Variants in DCDC1 observed in about 807,000 individuals in gnomAD.
DCDC1 encodes doublecortin domain containing 1, also known as doublecortin domain-containing protein 1.
In DCDC1, 200 loss-of-function variants were observed where a neutral mutation model predicts 178.3. The observed-to-expected ratio is 1.12, with a 90% CI of 1.00 to 1.26. DCDC1 has a LOEUF of 1.26. Among genes scored for constraint, DCDC1 ranks in the 50% most tolerant of loss-of-function variants. The pLI, the probability that DCDC1 is intolerant of heterozygous loss-of-function variation, is 0.00. For synonymous variants in DCDC1, 690 were observed against 604.8 expected, an observed-to-expected ratio of 1.14 and a Z score of -2.07; for missense variants, 1,983 against 1,749.2, an observed-to-expected ratio of 1.13 and a Z score of -2.38.
chr11:30,923,970 A>G (rs1338156637), intron 23 of DCDC1, among the ~76,000 whole-genome samples: 1 of 152,046 alleles, frequency 6.6e-6, no homozygotes, highest in Non-Finnish European at 1.5e-5. Flanking sequence ...GACATATTTA[A>G]TCATGTAACT....
chr11:31,269,421 C>A (rs1008427994), intron 7 of DCDC1, among the ~76,000 whole-genome samples: 1 of 151,198 alleles, frequency 6.6e-6, no homozygotes, highest in East Asian at 1.9e-4. Context: ...CTTGCTCTGT[C>A]ACCCAGGCTG....
intron 11 of DCDC1, among the ~76,000 whole-genome samples, chr11:31,113,359 A>C (rs1959268073): frequency 6.6e-6 from 1 of 152,252 alleles, no homozygotes; most frequent in Admixed American, 6.5e-5. Context: ...TTACATATGT[A>C]TACATGTGCC....
chr11:31,278,305 G>A (rs1056631164), intron 7 of DCDC1, among the ~76,000 whole-genome samples: 1 of 152,054 alleles, frequency 6.6e-6, no homozygotes, highest in Non-Finnish European at 1.5e-5. Flanking sequence ...TTGAAAACAG[G>A]TAGTGTAAAT....
chr11:31,074,477 G>A (rs1417845959), intron 18 of DCDC1, among the ~76,000 whole-genome samples: 1 of 152,120 alleles, frequency 6.6e-6, no homozygotes. Flanking sequence ...AAGGCTCAAG[G>A]GAGTTTGTTC....
At chr11:31,297,163 G>A (rs1947747848) in intron 6 of DCDC1, among the ~76,000 whole-genome samples, 3 of 152,060 alleles carry the variant, frequency 2.0e-5, no homozygotes, top group Admixed American at 1.3e-4. Context: ...AACTGAAGAC[G>A]GTCAGCAAAG....
At chr11:31,114,575 A>G (rs993706873) in intron 11 of DCDC1, among the ~76,000 whole-genome samples, 7 of 152,192 alleles carry the variant, frequency 4.6e-5, no homozygotes, top group Admixed American at 2.0e-4. Context: ...TTAGCCCAAC[A>G]GACAACAGGG....
At chr11:31,063,367 T>C (rs1322959606) in intron 20 of DCDC1, among the ~76,000 whole-genome samples, 2 of 152,220 alleles carry the variant, frequency 1.3e-5, no homozygotes, top group East Asian at 1.9e-4. Context: ...ACCCAAAGGA[T>C]TATAAATCAC....
intron 17 of DCDC1, among the ~76,000 whole-genome samples, chr11:31,085,850 G>A (rs1957439930): frequency 6.6e-6 from 1 of 151,994 alleles, no homozygotes; most frequent in Non-Finnish European, 1.5e-5. Context: ...TGAGACTACA[G>A]GGGCACACAA....
At chr11:31,151,239 T>TG (rs764968552) in intron 9 of DCDC1, among the ~76,000 whole-genome samples, 3 of 152,248 alleles carry the variant, frequency 2.0e-5, no homozygotes, top group Non-Finnish European at 4.4e-5. Context: ...AATTTTGTCT[T>TG]GGATACACCA....
chr11:31,215,436 A>C (rs1459132873), intron 9 of DCDC1, among the ~76,000 whole-genome samples: 1 of 152,168 alleles, frequency 6.6e-6, no homozygotes, highest in African/African-American at 2.4e-5. Flanking sequence ...ATCTCCAGTT[A>C]ACCAAAATTG....
chr11:31,253,104 G>A (rs1237846773), intron 8 of DCDC1, among the ~76,000 whole-genome samples: 2 of 152,252 alleles, frequency 1.3e-5, no homozygotes, highest in Middle Eastern at 6.8e-3. Context: ...ACTCAGAGTG[G>A]TCAGTGAATC....
chr11:31,207,459 G>A (rs1327981849), intron 9 of DCDC1, among the ~76,000 whole-genome samples: 1 of 152,014 alleles, frequency 6.6e-6, no homozygotes, highest in East Asian at 1.9e-4. Flanking sequence ...TCTGTTCCTA[G>A]CTAAAACAGG....
At chr11:31,031,108 G>A (rs930669479) in intron 20 of DCDC1, among the ~76,000 whole-genome samples, 33 of 152,090 alleles carry the variant, frequency 2.2e-4, no homozygotes, top group African/African-American at 8.0e-4. Flanking sequence ...TACAAATATT[G>A]GAGACATGTG....
chr11:31,294,750 A>C (rs1565566479), intron 6 of DCDC1, among the ~76,000 whole-genome samples: 1 of 147,654 alleles, frequency 6.8e-6, no homozygotes, highest in Non-Finnish European at 1.5e-5. Flanking sequence ...GAGGGAGGAA[A>C]AGAAAGAAAT....
chr11:31,304,038 G>A (rs559222784), intron 6 of DCDC1, among the ~76,000 whole-genome samples: 3 of 152,248 alleles, frequency 2.0e-5, no homozygotes, highest in Middle Eastern at 3.4e-3. Flanking sequence ...CCAAAGATAC[G>A]CAGACAAAGC....
At chr11:31,099,725 T>G (rs1371247106) in intron 15 of DCDC1, among the ~76,000 whole-genome samples, 47 of 150,644 alleles carry the variant, frequency 3.1e-4, no homozygotes, top group Non-Finnish European at 1.8e-4. Context: ...TTTGTTGTTT[T>G]TTTTTTTTTT....
At chr11:30,920,725 C>T in intron 25 of DCDC1, 51 bp downstream of exon 25, 6 of 1,597,560 alleles carry the variant, frequency 3.8e-6, no homozygotes, top group Non-Finnish European at 5.1e-6. Flanking sequence ...GGCTAATGAG[C>T]TGAGTTCAAA....
At chr11:31,066,763 T>C (rs774985388) in intron 18 of DCDC1, among the ~76,000 whole-genome samples, 3 of 152,212 alleles carry the variant, frequency 2.0e-5, no homozygotes, top group Non-Finnish European at 2.9e-5. Context: ...GTTAAACTAT[T>C]CTGTATAATA....
intron 21 of DCDC1, among the ~76,000 whole-genome samples, chr11:30,941,885 C>G (rs1352728077): frequency 6.6e-6 from 1 of 152,118 alleles, no homozygotes; most frequent in Non-Finnish European, 1.5e-5. Context: ...GTTTAAAAAT[C>G]AGATGAGCAG....
Sources: gnomAD v4.1 joint callset for allele counts (sites outside exome capture counted in the v4.1 genomes callset) on GRCh38, gnomAD v4.1.1 for gene constraint, MANE v1.5 for transcripts, NCBI Gene and HGNC (gene_info 2026-07-23, HGNC 2026-07-21) for gene names.